The following EFR3B variants were observed in gnomAD, a reference collection of about 807,000 sequenced individuals.
The protein encoded by EFR3B is protein EFR3 homolog B.
A neutral mutation model predicts 104.7 loss-of-function variants in EFR3B; 64 were observed. That is an observed-to-expected ratio of 0.61 (90% confidence interval 0.50 to 0.75). EFR3B has a LOEUF of 0.75. EFR3B is among the 30% of genes least tolerant of loss of function. The pLI is 0.00. For missense variants in EFR3B, 750 were observed against 1,078.5 expected, an observed-to-expected ratio of 0.70 and a Z score of 4.27; for synonymous variants, 385 against 417.9, an observed-to-expected ratio of 0.92 and a Z score of 0.96.
chr2:25,087,852 C>CT (rs894177938), intron 1 of EFR3B, among the ~76,000 whole-genome samples: 1 of 146,622 alleles, frequency 6.8e-6, no homozygotes, highest in Non-Finnish European at 1.5e-5. Flanking sequence ...GGTTTTTTAT[C>CT]TAAGAAGTCA....
intron 4 of EFR3B, among the ~76,000 whole-genome samples, chr2:25,106,312 C>G (rs1168073503): frequency 6.6e-6 from 1 of 151,840 alleles, no homozygotes; most frequent in Admixed American, 6.6e-5. Context: ...TTTTTTGAGG[C>G]AGAGCCTCGC....
At chr2:25,102,598 T>A (rs963703998) in intron 3 of EFR3B, among the ~76,000 whole-genome samples, 19 of 151,920 alleles carry the variant, frequency 1.3e-4, no homozygotes, top group Admixed American at 7.2e-4. Context: ...ACCGCCCCCA[T>A]GATTCAATTC....
chr2:25,128,691 G>C (rs917775257), intron 6 of EFR3B, among the ~76,000 whole-genome samples: 1 of 152,082 alleles, frequency 6.6e-6, no homozygotes, highest in African/African-American at 2.4e-5. Context: ...GGGCGCGGTG[G>C]CTCACGCCTG....
chr2:25,118,458 GA>G (rs1431868849), intron 4 of EFR3B, among the ~76,000 whole-genome samples: 1 of 152,072 alleles, frequency 6.6e-6, no homozygotes. Context: ...TGTATACACA[GA>G]TATGCCACAT....
At chr2:25,098,933 C>A (rs560772773) in intron 3 of EFR3B, among the ~76,000 whole-genome samples, 1 of 144,940 alleles carries the variant, frequency 6.9e-6, no homozygotes, top group South Asian at 2.2e-4. Context: ...GTAATCTAAG[C>A]CCTGGGGCTC....
At chr2:25,058,765 C>CCT (rs1668094935) in intron 1 of EFR3B, among the ~76,000 whole-genome samples, 1 of 117,410 alleles carries the variant, frequency 8.5e-6, no homozygotes, top group African/African-American at 3.9e-5. Flanking sequence ...TCTCCCCGCG[C>CCT]CCCCCCCCCC....
Position 25,149,748 on chromosome 2 carries a change from T to A in EFR3B, c.2191+6T>A. The A allele has an allele frequency of 6.4e-7, 1 of 1,551,432 alleles. No individual in the cohort carries two copies. Among genetic ancestry groups the A allele is most frequent in the Non-Finnish European group, 8.7e-7 (1 of 1,146,802 alleles). Reference sequence around the variant, plus strand: ...GACACTGAAGAAAGCCATTGGTAAGTCAGGGCAAAGGGACTCTGGTTAGAG... The same window carrying A: ...GACACTGAAGAAAGCCATTGGTAAGACAGGGCAAAGGGACTCTGGTTAGAG... On this transcript the variant is annotated splice_donor_region_variant and intron_variant, in intron 20 of 22. Transcript: ENST00000403714.
intron 3 of EFR3B, among the ~76,000 whole-genome samples, chr2:25,094,485 A>G (rs542148445): frequency 6.6e-6 from 1 of 152,224 alleles, no homozygotes; most frequent in South Asian, 2.1e-4. Flanking sequence ...GAGGAGAGAG[A>G]GCTTGCCACA....
At chr2:25,125,880 G>A (rs992166685) in intron 5 of EFR3B, among the ~76,000 whole-genome samples, 2 of 152,198 alleles carry the variant, frequency 1.3e-5, no homozygotes, top group Non-Finnish European at 2.9e-5. Flanking sequence ...CCCGGGAGGC[G>A]GAGGTTGCTG....
intron 4 of EFR3B, among the ~76,000 whole-genome samples, chr2:25,110,628 C>T (rs946202519): frequency 6.6e-6 from 1 of 152,074 alleles, no homozygotes; most frequent in Non-Finnish European, 1.5e-5. Flanking sequence ...GATTCCTTCC[C>T]TCAATCTAAA....
At chr2:25,080,833 A>G in intron 1 of EFR3B, 2 of 897,928 alleles carry the variant, frequency 2.2e-6, no homozygotes, top group Non-Finnish European at 3.8e-6. Context: ...TCACCATTGG[A>G]TTTATTTCTT....
chr2:25,081,159 T>C (rs1558593878), intron 1 of EFR3B: 1 of 715,890 alleles, frequency 1.4e-6, no homozygotes, highest in Admixed American at 2.1e-5. Context: ...TCCACCCTTT[T>C]CTCCCATTTG....
intron 1 of EFR3B, among the ~76,000 whole-genome samples, chr2:25,067,106 A>C (rs1442157436): frequency 6.6e-6 from 1 of 152,200 alleles, no homozygotes; most frequent in Non-Finnish European, 1.5e-5. Context: ...GCTAGTGAAC[A>C]CATAAAATGT....
chr2:25,121,942 C>T, intron 5 of EFR3B, 148 bp downstream of exon 5: 1 of 1,036,308 alleles, frequency 9.6e-7, no homozygotes, highest in Non-Finnish European at 1.4e-6. Context: ...GGCCAGCACC[C>T]AGCTCCCTAC....
At chr2:25,118,593 G>A (rs975003762) in intron 4 of EFR3B, among the ~76,000 whole-genome samples, 6 of 151,934 alleles carry the variant, frequency 3.9e-5, no homozygotes, top group African/African-American at 9.7e-5. Flanking sequence ...GAGGTGTTAC[G>A]TTAACTGGCT....
At chr2:25,140,184 A>G (rs1230460621) in intron 16 of EFR3B, among the ~76,000 whole-genome samples, 1 of 152,064 alleles carries the variant, frequency 6.6e-6, no homozygotes, top group Non-Finnish European at 1.5e-5. Flanking sequence ...ATGGTGGCGC[A>G]CACCTGTAGT....
At chr2:25,144,870 AAGGCAG>A in intron 18 of EFR3B, 84 bp from the exon 19 acceptor site, 2 of 1,163,360 alleles carry the variant, frequency 1.7e-6, no homozygotes. Flanking sequence ...GGACCAAGCA[AAGGCAG>A]AGGGGTAGGG....
chr2:25,072,315 C>G (rs1462552945), intron 1 of EFR3B, among the ~76,000 whole-genome samples: 1 of 152,152 alleles, frequency 6.6e-6, no homozygotes, highest in East Asian at 1.9e-4. Context: ...AGATTTTGCT[C>G]TGTCACCCAG....
chr2:25,074,069 G>A (rs986002255), intron 1 of EFR3B, among the ~76,000 whole-genome samples: 2 of 152,124 alleles, frequency 1.3e-5, no homozygotes, highest in African/African-American at 4.8e-5. Flanking sequence ...TGGCACAGTG[G>A]GGGGGACTCA....
Sources: gnomAD v4.1 joint callset for allele counts (sites outside exome capture counted in the v4.1 genomes callset) on GRCh38, gnomAD v4.1.1 for gene constraint, MANE v1.5 for transcripts, NCBI Gene and HGNC (gene_info 2026-07-23, HGNC 2026-07-21) for gene names.